GATB: variants seen among roughly 807,000 people sequenced by gnomAD.
The protein encoded by GATB is glutamyl-tRNA amidotransferase subunit B.
A neutral mutation model predicts 62.3 loss-of-function variants in GATB; 39 were observed. That is an observed-to-expected ratio of 0.63 (90% CI 0.48 to 0.82). GATB has a LOEUF of 0.82. Among genes scored for constraint, GATB ranks in the 40% least tolerant of loss-of-function variants. GATB has a pLI of 0.00. For synonymous variants in GATB, 276 were observed against 258.9 expected (o/e 1.07, Z -0.63); for missense variants, 670 against 684.0 (o/e 0.98, Z 0.23).
Position 151,699,633 on chromosome 4 carries a change from C to T in GATB, c.1197+1696G>A, listed in dbSNP as rs1329063793. 2.6e-5 allele frequency among the ~76,000 whole-genome samples: 4 copies of T among 152,298 alleles called. No individual in the cohort carries two copies. In the East Asian group the frequency reaches 7.7e-4, roughly 29 times the overall value. On this transcript the variant is annotated intron_variant, in intron 9 of 12. Transcript: ENST00000263985. ...GAGGTAAGGCAGGCACTGTCCCCAT[C>T]ACCGCTCATGAACGGCCGAGAGTGA...
chr4:151,704,738 C>A (rs532015668), intron 7 of GATB, among the ~76,000 whole-genome samples: 2 of 140,848 alleles, frequency 1.4e-5, no homozygotes, highest in African/African-American at 5.4e-5. Context: ...CAGGCGTGAG[C>A]CACGGCGCCT....
chr4:151,701,517 A>C lies in GATB; in HGVS notation c.1009T>G (p.Phe337Val). The change falls in exon 9 of 13, where the codon TTC becomes GTC. Residue 337 changes from phenylalanine (F) to valine (V), a missense_variant and splice_region_variant. Phe to Val is a conservative substitution (Grantham distance 50). Transcript: ENST00000263985. ...RDKEGKQDYR[F>V]MPEPNLPPLV... is the part of the protein sequence containing the mutation. The stretch of plus-strand genomic sequence containing the variant: ...GGAGGCAGGTTGGGTTCTGGCATGA[A>C]CCTGGGCAGACAGAGGAGACGGGAC... 1 of 1,520,006 alleles carries C rather than the reference A, an allele frequency of 6.6e-7. No individual in the cohort carries two copies. The highest frequency in any genetic ancestry group is 8.9e-7 in the Non-Finnish European group (1 of 1,128,352). The allele number at this position is 1,520,006 out of a possible 1,614,324, so 94.2% of individuals were successfully genotyped here.
At chr4:151,702,507 A>G (rs1738626261) in intron 8 of GATB, among the ~76,000 whole-genome samples, 1 of 152,310 alleles carries the variant, frequency 6.6e-6, no homozygotes. Flanking sequence ...ACTCTAGCCA[A>G]TAAGGAAGTG....
At chr4:151,692,119 C>T (rs1738377956) in intron 9 of GATB, among the ~76,000 whole-genome samples, 1 of 152,210 alleles carries the variant, frequency 6.6e-6, no homozygotes, top group African/African-American at 2.4e-5. Context: ...GCACTCTCTC[C>T]ACATTACCTC....
intron 3 of GATB, among the ~76,000 whole-genome samples, chr4:151,717,999 G>C (rs1738947266): frequency 6.6e-6 from 1 of 152,240 alleles, no homozygotes; most frequent in Middle Eastern, 3.4e-3. Flanking sequence ...AGATGGTCAG[G>C]CTCCAAAATC....
At chr4:151,708,905 G>A (rs1190165833) in intron 5 of GATB, among the ~76,000 whole-genome samples, 1 of 152,174 alleles carries the variant, frequency 6.6e-6, no homozygotes, top group African/African-American at 2.4e-5. Flanking sequence ...GGAAGAGAGA[G>A]AGAGAAAAAT....
chr4:151,704,145 CTT>C (rs1738660760), intron 7 of GATB, among the ~76,000 whole-genome samples: 1 of 151,514 alleles, frequency 6.6e-6, no homozygotes. Flanking sequence ...TCAAACTCGG[CTT>C]TTGAGCTTTT....
At chr4:151,697,484 G>A (rs1738491980) in intron 9 of GATB, among the ~76,000 whole-genome samples, 1 of 151,738 alleles carries the variant, frequency 6.6e-6, no homozygotes, top group African/African-American at 2.4e-5. Flanking sequence ...GGGTGGGAGG[G>A]GAATAAGGGA....
intron 2 of GATB, among the ~76,000 whole-genome samples, chr4:151,734,276 G>A (rs983639266): frequency 1.3e-5 from 2 of 151,190 alleles, no homozygotes; most frequent in African/African-American, 4.9e-5. Flanking sequence ...ACACAAATCA[G>A]TAGCTCTTCT....
chr4:151,735,717 T>C (rs1739357487), intron 2 of GATB, among the ~76,000 whole-genome samples: 1 of 139,150 alleles, frequency 7.2e-6, no homozygotes, highest in Admixed American at 7.0e-5. Context: ...AATCAACAAG[T>C]GGATAAATAA....
intron 10 of GATB, among the ~76,000 whole-genome samples, chr4:151,681,275 C>A (rs757506791): frequency 1.6e-4 from 25 of 152,202 alleles, no homozygotes; most frequent in Non-Finnish European, 3.2e-4. Flanking sequence ...TGTACTGAGG[C>A]AGCCCATCAT....
At chr4:151,725,831 T>C (rs1739127125) in intron 2 of GATB, among the ~76,000 whole-genome samples, 1 of 152,246 alleles carries the variant, frequency 6.6e-6, no homozygotes, top group Non-Finnish European at 1.5e-5. Flanking sequence ...ACATTGAATG[T>C]CTTTCTAAAT....
At chr4:151,712,136 G>A (rs768069629) in intron 5 of GATB, among the ~76,000 whole-genome samples, 6 of 152,154 alleles carry the variant, frequency 3.9e-5, no homozygotes, top group East Asian at 1.9e-4. Context: ...CATGAGTTTC[G>A]GTCTCTCCCA....
intron 2 of GATB, among the ~76,000 whole-genome samples, chr4:151,750,398 G>A (rs112977922): frequency 1.1e-4 from 16 of 152,100 alleles, no homozygotes; most frequent in African/African-American, 3.4e-4. Flanking sequence ...TCACCTGTTG[G>A]CCAAGGCTCC....
chr4:151,726,483 A>C (rs1739140112), intron 2 of GATB, among the ~76,000 whole-genome samples: 1 of 152,242 alleles, frequency 6.6e-6, no homozygotes. Flanking sequence ...TTAAGTATTT[A>C]TATTAACAGA....
chr4:151,703,786 A>G, intron 8 of GATB, 65 bp downstream of exon 8: 1 of 1,123,932 alleles, frequency 8.9e-7, no homozygotes, highest in Non-Finnish European at 1.4e-6. Context: ...GTTGAACTTT[A>G]AATGAACTTG....
chr4:151,706,493 G>C (rs1738718537), intron 6 of GATB, among the ~76,000 whole-genome samples: 2 of 152,142 alleles, frequency 1.3e-5, no homozygotes, highest in South Asian at 4.1e-4. Context: ...GGCTTATAAG[G>C]GTTTTCCCTG....
chr4:151,726,709 C>T (rs1376471535), intron 2 of GATB, among the ~76,000 whole-genome samples: 1 of 152,192 alleles, frequency 6.6e-6, no homozygotes, highest in Non-Finnish European at 1.5e-5. Flanking sequence ...TTCTCCTATT[C>T]TGAGCTCTCT....
At chr4:151,678,903 T>G (rs765973940) in intron 11 of GATB, among the ~76,000 whole-genome samples, 7 of 152,328 alleles carry the variant, frequency 4.6e-5, no homozygotes, top group Non-Finnish European at 7.4e-5. Flanking sequence ...TTTTTGTTTT[T>G]GTTTTTTGAG....
Sources: allele counts gnomAD v4.1 joint callset (sites outside exome capture counted in the v4.1 genomes callset), GRCh38; gene constraint gnomAD v4.1.1; transcripts MANE v1.5; gene names NCBI Gene and HGNC (gene_info 2026-07-23, HGNC 2026-07-21).